Variants in MTMR1 observed in about 807,000 individuals in gnomAD.
MTMR1 encodes the protein phosphatidylinositol-3-phosphate phosphatase MTMR1.
Under a neutral mutation model 51.6 loss-of-function variants are expected in MTMR1, and 17 were observed. That is an observed-to-expected ratio of 0.33 (90% CI 0.23 to 0.49). MTMR1 has a LOEUF of 0.49. MTMR1 is among the 20% of genes least tolerant of loss of function. The pLI is 0.99. For synonymous variants in MTMR1, 201 were observed against 205.6 expected (o/e 0.98, Z 0.19); for missense variants, 386 against 526.9 (o/e 0.73, Z 2.62).
chrX:150,752,078 G>A (rs1386542307), intron 14 of MTMR1, among the ~76,000 whole-genome samples: 14 of 109,328 alleles, frequency 1.3e-4, no homozygotes, highest in African/African-American at 4.3e-4. Context: ...CACCACGCCC[G>A]GCTAATTTTT....
chrX:150,722,900 G>A (rs1557416618), intron 4 of MTMR1, among the ~76,000 whole-genome samples: 1 of 108,478 alleles, frequency 9.2e-6, no homozygotes, highest in Non-Finnish European at 1.9e-5. Context: ...TGTGCACAAT[G>A]TGCAGGTTAG....
chrX:150,730,185 A>G lies in MTMR1; in HGVS notation c.632A>G (p.His211Arg), dbSNP rs781929325. Residue 211 changes from histidine to arginine, a missense_variant, in exon 7 of 16, where the codon CAT (histidine) becomes CGT (arginine). Coordinates refer to ENST00000445323, the MANE Select transcript of MTMR1 (RefSeq NM_001306144.3). The stretch of plus-strand genomic sequence containing the variant: ...GGGATATTTGAAAACCTCAACAAAC[A>G]TGCATTTCCTCTTTCTAACGGACAG... ...KLGIFENLNK[H>R]AFPLSNGQAL... 8.3e-7 allele frequency: 1 copy of G among 1,202,186 alleles called. No individual in the cohort carries two copies. Among genetic ancestry groups the G allele is most frequent in the East Asian group, 3.0e-5 (1 of 33,484 alleles).
At chrX:150,694,477 C>A (rs2040602127) in intron 1 of MTMR1, among the ~76,000 whole-genome samples, 1 of 111,777 alleles carries the variant, frequency 8.9e-6, no homozygotes, top group African/African-American at 3.3e-5. Context: ...ATTTCCCTGA[C>A]ACCAGAGTGC....
intron 6 of MTMR1, among the ~76,000 whole-genome samples, 185 bp downstream of exon 6, chrX:150,727,976 A>C (rs1051793750): frequency 3.6e-5 from 4 of 111,643 alleles, no homozygotes; most frequent in Non-Finnish European, 7.5e-5. Flanking sequence ...CCTTTGAAGT[A>C]AACCTTTTCC....
At chrX:150,707,218 G>A (rs1181153505) in intron 2 of MTMR1, among the ~76,000 whole-genome samples, 1 of 111,515 alleles carries the variant, frequency 9.0e-6, no homozygotes, top group African/African-American at 3.3e-5. Context: ...TACACCAAAA[G>A]CACAATCCAT....
rs181966302 is a variant in MTMR1, at chrX:150,758,897, A to G, written c.1857+3032A>G. Reference sequence around the variant, plus strand: ...AATTGATCTTTAAGTTATTAATCTAATAACTGCTTGTCACTAGATTGAATC... The same window carrying G: ...AATTGATCTTTAAGTTATTAATCTAGTAACTGCTTGTCACTAGATTGAATC... On this transcript the variant is annotated intron_variant, in intron 15 of 15. Coordinates refer to ENST00000445323, the MANE Select transcript of MTMR1 (RefSeq NM_001306144.3). 4.4e-5 allele frequency among the ~76,000 whole-genome samples: 5 copies of G among 112,567 alleles called. No individual in the cohort carries two copies. The East Asian group carries it at 1.4e-3, about 31-fold the overall frequency.
intron 3 of MTMR1, chrX:150,712,643 A>G (rs1230187949): frequency 9.7e-6 from 3 of 308,236 alleles, no homozygotes; most frequent in Non-Finnish European, 1.1e-5. Context: ...ATGAATTATG[A>G]CCAAATGGAT....
intron 3 of MTMR1, chrX:150,714,371 G>A (rs1281068055): frequency 2.4e-5 from 10 of 425,407 alleles, no homozygotes; most frequent in Admixed American, 7.8e-5. Context: ...ACTTTTACAT[G>A]CTTACTGTCT....
intron 13 of MTMR1, among the ~76,000 whole-genome samples, chrX:150,745,114 G>A (rs781966507): frequency 1.2e-4 from 13 of 112,305 alleles, no homozygotes; most frequent in Non-Finnish European, 2.1e-4. Context: ...TTTTGTTGTC[G>A]TTGTTTTCCC....
In MTMR1 at chrX:150,764,957, T is replaced by TAAGTATC. The variant is rs2043255984; in HGVS notation, c.*2229_*2230insAGTATCA. 8.9e-6 allele frequency: 1 copy of TAAGTATC among 112,577 alleles called. No homozygotes were observed. Among genetic ancestry groups the TAAGTATC allele is most frequent in the Non-Finnish European group, 1.9e-5 (1 of 53,347 alleles). 9.3% of individuals were successfully genotyped at this position (112,577 alleles called of 1,213,427 possible). On this transcript the variant is annotated 3_prime_UTR_variant, in exon 16 of 16. Coordinates refer to ENST00000445323, the MANE Select transcript of MTMR1 (RefSeq NM_001306144.3). ...GGTCTTTTTTAAGTAAGTAAGTAAG[T>TAAGTATC]ATCTTAGTAGATTTTTCCTTTGAGG...
At position 150,736,679 on chromosome X, in the gene MTMR1, C is replaced by T; in HGVS notation, c.1165C>T (p.Arg389Ter). 5.0e-6 allele frequency: 6 copies of T among 1,211,325 alleles called. No individual in the cohort carries two copies. The highest frequency in any genetic ancestry group is 5.6e-6 in the Non-Finnish European group (5 of 895,134). The change falls in exon 11 of 16, where the codon CGA becomes TGA. Residue 389 changes from arginine to a stop codon, truncating the protein, a stop_gained. Transcript: ENST00000445323. LOFTEE classifies it high-confidence loss of function. ...GGAGATCCACAACATTCATGTCATG[C>T]GAGAGTCACTACGCAAATTAAAAGA... ...FLEIHNIHVM[R>*]ESLRKLKEIV...
At chrX:150,731,648 G>A (rs1557417006) in intron 9 of MTMR1, 29 bp downstream of exon 9, 1 of 1,134,610 alleles carries the variant, frequency 8.8e-7, no homozygotes, top group African/African-American at 1.8e-5. Flanking sequence ...CATTTATATA[G>A]GAATATATAT....
chrX:150,737,489 G>T, intron 12 of MTMR1, 41 bp downstream of exon 12: 2 of 1,102,598 alleles, frequency 1.8e-6, no homozygotes, highest in African/African-American at 3.6e-5. Context: ...CTGTTTTGCG[G>T]TATCATATGG....
chrX:150,759,621 C>G (rs2043025725), intron 15 of MTMR1, among the ~76,000 whole-genome samples: 1 of 109,665 alleles, frequency 9.1e-6, no homozygotes, highest in Admixed American at 9.6e-5. Flanking sequence ...GGCTCAGATT[C>G]TTGCCCGCCG....
At chrX:150,753,826 A>T (rs868977061) in intron 14 of MTMR1, among the ~76,000 whole-genome samples, 4 of 111,705 alleles carry the variant, frequency 3.6e-5, no homozygotes, top group African/African-American at 1.3e-4. Flanking sequence ...TTTAATTTTG[A>T]TGAACTGCAA....
Position 150,761,972 on chromosome X carries a change from C to A in MTMR1, c.1858-593C>A, listed in dbSNP as rs185898485. On this transcript the variant is annotated intron_variant, in intron 15 of 15. Transcript: ENST00000445323. Reference sequence around the variant, plus strand: ...GGTGAGGCCTTGCGGTGATGCTGAGCAAGGAGGGAGGGGTTGGTCCTTGGG... The same window carrying A: ...GGTGAGGCCTTGCGGTGATGCTGAGAAAGGAGGGAGGGGTTGGTCCTTGGG... 1.5e-3 allele frequency among the ~76,000 whole-genome samples: 169 copies of A among 112,448 alleles called. 1 individual carries two copies. The highest frequency in any genetic ancestry group is 5.0e-3 in the African/African-American group (154 of 30,964).
chrX:150,727,482 A>G (rs1203651354), intron 5 of MTMR1, among the ~76,000 whole-genome samples, 173 bp downstream of exon 5: 1 of 112,623 alleles, frequency 8.9e-6, no homozygotes. Context: ...AGGCTGTTAA[A>G]GTACCGCTTA....
chrX:150,750,788 A>T lies in MTMR1; in HGVS notation c.1625A>T (p.Tyr542Phe). Residue 542 changes from tyrosine (Y) to phenylalanine (F), a missense_variant, in exon 14 of 16, where the codon TAT (tyrosine) becomes TTT (phenylalanine). Tyr to Phe is a conservative substitution (Grantham distance 22). Transcript: ENST00000445323. The stretch of plus-strand genomic sequence containing the variant: ...TTGATTACAATTTTGGATCACCTTT[A>T]TAGCTGTCTTTTTGGGACCTTTTTG... The part of the protein sequence containing the change: ...LFLITILDHL[Y>F]SCLFGTFLCN... The T allele has an allele frequency of 8.3e-7, 1 of 1,209,559 alleles. No individual in the cohort carries two copies. The highest frequency in any genetic ancestry group is 1.1e-6 in the Non-Finnish European group (1 of 893,844).
chrX:150,749,762 T>A (rs2042674253), intron 13 of MTMR1, among the ~76,000 whole-genome samples: 1 of 112,369 alleles, frequency 8.9e-6, no homozygotes, highest in Admixed American at 9.4e-5. Context: ...AGGCTTACAT[T>A]CGTAAAGTAA....
Sources: allele counts gnomAD v4.1 joint callset (sites outside exome capture counted in the v4.1 genomes callset), GRCh38; gene constraint gnomAD v4.1.1; transcripts MANE v1.5; gene names NCBI Gene and HGNC (gene_info 2026-07-23, HGNC 2026-07-21).